INVS: variants seen among roughly 807,000 people sequenced by gnomAD.
The protein encoded by INVS is inversin, also known as inversion of embryo turning homolog.
In INVS, 86 loss-of-function variants were observed where a neutral mutation model predicts 108.8. That is an observed-to-expected ratio of 0.79 (90% CI 0.66 to 0.95). The LOEUF is 0.95. Ranked by LOEUF, INVS falls within the 40% of genes least tolerant of loss-of-function variation. INVS has a pLI of 0.00. For missense variants in INVS, 1,169 were observed against 1,297.4 expected, an observed-to-expected ratio of 0.90 and a Z score of 1.52; for synonymous variants, 455 against 473.5, an observed-to-expected ratio of 0.96 and a Z score of 0.51.
At chr9:100,228,310 A>C (rs958617446) in intron 4 of INVS, among the ~76,000 whole-genome samples, 4 of 152,120 alleles carry the variant, frequency 2.6e-5, no homozygotes, top group African/African-American at 9.7e-5. Flanking sequence ...TTTCTTTTAG[A>C]GAGACTCTGT....
At chr9:100,263,119 C>A (rs899478725) in intron 10 of INVS, among the ~76,000 whole-genome samples, 52 of 152,150 alleles carry the variant, frequency 3.4e-4, no homozygotes, top group African/African-American at 1.1e-3. Context: ...CTTCTAATTT[C>A]TATTTCCTAA....
chr9:100,183,790 CA>C (rs1258740782), intron 3 of INVS, among the ~76,000 whole-genome samples: 98 of 72,718 alleles, frequency 1.3e-3, no homozygotes, highest in Non-Finnish European at 2.0e-3. Flanking sequence ...AACTCTGTTT[CA>C]GGGAAAAAAA....
rs771362033 is a variant in INVS at position 100,126,448 on chromosome 9, G to C, written c.172G>C (p.Ala58Pro). Residue 58 changes from alanine to proline, a missense_variant, in exon 3 of 17, where the codon GCT becomes CCT. Physicochemically the swap from Ala to Pro is conservative, Grantham distance 27 (BLOSUM62 -1). Coordinates refer to ENST00000262457, the MANE Select transcript of INVS (RefSeq NM_014425.5). ...GRTPLMYCVL[A>P]DRLDCADALL... Reference sequence around the variant, plus strand: ...AACACCACTTATGTATTGCGTGTTGGCTGACAGATTGGATTGTGCAGATGC... The same window carrying C: ...AACACCACTTATGTATTGCGTGTTGCCTGACAGATTGGATTGTGCAGATGC... 1.2e-6 allele frequency: 2 copies of C among 1,613,970 alleles called. No homozygotes were observed. The highest frequency in any genetic ancestry group is 4.5e-5 in the East Asian group (2 of 44,880).
At chr9:100,136,479 T>C (rs1828229134) in intron 3 of INVS, among the ~76,000 whole-genome samples, 1 of 152,228 alleles carries the variant, frequency 6.6e-6, no homozygotes, top group Non-Finnish European at 1.5e-5. Flanking sequence ...AAATTAGTGA[T>C]AATTCTGTAA....
Position 100,255,426 on chromosome 9 carries a change from C to G in INVS, c.1464+2290C>G, listed in dbSNP as rs1168076687. Reference sequence around the variant, plus strand: ...TTATTTCTTTCTCCTGCCTGATTGCCCTGGCCAGAACTTCCAACACTGTGT... The same window carrying G: ...TTATTTCTTTCTCCTGCCTGATTGCGCTGGCCAGAACTTCCAACACTGTGT... On this transcript the variant is annotated intron_variant, in intron 10 of 16. Coordinates refer to ENST00000262457, the MANE Select transcript of INVS (RefSeq NM_014425.5). Among the ~76,000 whole-genome samples, 6 of 152,090 alleles carry G rather than the reference C, an allele frequency of 3.9e-5. No individual in the cohort carries two copies. In the East Asian group the frequency reaches 1.2e-3, roughly 29 times the overall value.
intron 3 of INVS, among the ~76,000 whole-genome samples, chr9:100,157,267 C>CTTTCTTTTTT (rs1829021358): frequency 7.7e-6 from 1 of 130,098 alleles, no homozygotes; most frequent in African/African-American, 3.3e-5. Context: ...TCTTTTTTTT[C>CTTTCTTTTTT]TTTTTTTTTT....
At chr9:100,293,795 G>A (rs1051039465) in intron 14 of INVS, among the ~76,000 whole-genome samples, 1 of 152,180 alleles carries the variant, frequency 6.6e-6, no homozygotes, top group Non-Finnish European at 1.5e-5. Flanking sequence ...CATCCTGAAA[G>A]CCTCACTAGA....
intron 3 of INVS, among the ~76,000 whole-genome samples, chr9:100,143,179 A>C: frequency 6.6e-6 from 1 of 152,136 alleles, no homozygotes; most frequent in Non-Finnish European, 1.5e-5. Context: ...AGCATGTTTG[A>C]GATCTAGAAC....
intron 3 of INVS, among the ~76,000 whole-genome samples, chr9:100,127,955 C>T (rs982020145): frequency 7.2e-5 from 11 of 152,026 alleles, no homozygotes; most frequent in East Asian, 1.9e-4. Context: ...TGGGAAAAGC[C>T]GCAAAATTAA....
At position 100,121,390 on chromosome 9, in the gene INVS, G is replaced by A. The variant is rs545486944; in HGVS notation, c.107-4993G>A. 3.3e-5 allele frequency among the ~76,000 whole-genome samples: 5 copies of A among 152,166 alleles called. No individual in the cohort carries two copies. In the South Asian group the frequency reaches 1.0e-3, roughly 32 times the overall value. On this transcript the variant is annotated intron_variant, in intron 2 of 16. Coordinates refer to ENST00000262457, the MANE Select transcript of INVS (RefSeq NM_014425.5). ...TGTATACCAGGGGCTGGAAGTCTTG[G>A]ATGCCATGTTAGAATTATCCTACCA...
At chr9:100,113,982 C>T (rs1298841265) in intron 2 of INVS, among the ~76,000 whole-genome samples, 1 of 152,106 alleles carries the variant, frequency 6.6e-6, no homozygotes, top group East Asian at 1.9e-4. Context: ...ATGTAATTAC[C>T]CTCAGCTAGT....
intron 3 of INVS, among the ~76,000 whole-genome samples, chr9:100,162,946 G>T (rs987139411): frequency 5.3e-5 from 8 of 152,142 alleles, no homozygotes; most frequent in Non-Finnish European, 1.2e-4. Context: ...CCTAGAAGAG[G>T]ATGGGCATAT....
Position 100,178,929 on chromosome 9 carries a change from C to T in INVS, c.274-47133C>T, listed in dbSNP as rs146025796. Among the ~76,000 whole-genome samples, 39 of 152,306 alleles carry T rather than the reference C, an allele frequency of 2.6e-4. No homozygotes were observed. In the East Asian group the frequency reaches 6.7e-3, roughly 26 times the overall value. On this transcript the variant is annotated intron_variant, in intron 3 of 16. Transcript: ENST00000262457. The stretch of plus-strand genomic sequence containing the variant: ...CCACAAGGGAAGCCCATCAGACTAA[C>T]GGTGGATCTCTCTACAGAAACCCTA...
At chr9:100,221,797 T>TGA (rs769335460) in intron 3 of INVS, among the ~76,000 whole-genome samples, 4 of 152,152 alleles carry the variant, frequency 2.6e-5, no homozygotes, top group Non-Finnish European at 4.4e-5. Context: ...TAAGGTATTT[T>TGA]GAGAGAGAGA....
At chr9:100,255,207 G>A (rs562115795) in intron 10 of INVS, among the ~76,000 whole-genome samples, 1 of 152,208 alleles carries the variant, frequency 6.6e-6, no homozygotes, top group Admixed American at 6.5e-5. Flanking sequence ...CTCATGATTT[G>A]GCTCTCTGTT....
At chr9:100,180,799 C>T (rs564532853) in intron 3 of INVS, among the ~76,000 whole-genome samples, 127 of 152,148 alleles carry the variant, frequency 8.3e-4, no homozygotes, top group African/African-American at 2.8e-3. Context: ...ATCATCCTGA[C>T]ACCAAAACCT....
At chr9:100,204,744 A>C (rs73656957) in intron 3 of INVS, among the ~76,000 whole-genome samples, 2,068 of 152,130 alleles carry the variant, frequency 0.014, 35 homozygotes, top group African/African-American at 0.048. Flanking sequence ...TTAGCATGTT[A>C]TACCAAAAAT....
chr9:100,125,362 C>T (rs1043073193), intron 2 of INVS, among the ~76,000 whole-genome samples: 2 of 152,276 alleles, frequency 1.3e-5, no homozygotes, highest in African/African-American at 4.8e-5. Flanking sequence ...AGTTACCTGC[C>T]TCCCAGTCTT....
chr9:100,138,108 A>G (rs912144298), intron 3 of INVS, among the ~76,000 whole-genome samples: 27 of 152,148 alleles, frequency 1.8e-4, no homozygotes, highest in Non-Finnish European at 1.5e-5. Flanking sequence ...TCTTTTTAAA[A>G]TATATGTAAC....
Sources: gnomAD v4.1 joint callset for allele counts (sites outside exome capture counted in the v4.1 genomes callset) on GRCh38, gnomAD v4.1.1 for gene constraint, MANE v1.5 for transcripts, NCBI Gene and HGNC (gene_info 2026-07-23, HGNC 2026-07-21) for gene names.